IQCJ: variants seen among roughly 807,000 people sequenced by gnomAD.
IQCJ encodes the protein IQ motif containing J.
A neutral mutation model predicts 11.0 loss-of-function variants in IQCJ; 9 were observed. The ratio of observed to expected loss-of-function variants is 0.82; its 90% CI spans 0.49 to 1.43. The LOEUF (loss-of-function observed/expected upper bound fraction) is 1.43. IQCJ is among the 40% of genes most tolerant of loss of function. IQCJ has a pLI of 0.00. For missense variants in IQCJ, 146 were observed against 133.2 expected, an observed-to-expected ratio of 1.10 and a Z score of -0.47; for synonymous variants, 55 against 51.3, an observed-to-expected ratio of 1.07 and a Z score of -0.31.
intron 3 of IQCJ, among the ~76,000 whole-genome samples, chr3:159,260,449 T>G (rs1157182014): frequency 6.6e-6 from 1 of 152,218 alleles, no homozygotes; most frequent in African/African-American, 2.4e-5. Flanking sequence ...ATGTTACACA[T>G]TCTGAGCTCT....
chr3:159,259,068 A>T (rs2108229740), intron 3 of IQCJ, among the ~76,000 whole-genome samples: 1 of 152,178 alleles, frequency 6.6e-6, no homozygotes, highest in East Asian at 1.9e-4. Flanking sequence ...CTCTCTGGGA[A>T]CCCTCTCCTC....
At chr3:159,146,531 C>T (rs1720936213) in intron 1 of IQCJ, among the ~76,000 whole-genome samples, 1 of 152,078 alleles carries the variant, frequency 6.6e-6, no homozygotes, top group African/African-American at 2.4e-5. Flanking sequence ...GGATTGGTTG[C>T]ATAGATGGTG....
chr3:159,247,003 T>C (rs980930822), intron 2 of IQCJ, among the ~76,000 whole-genome samples: 4 of 152,150 alleles, frequency 2.6e-5, no homozygotes, highest in African/African-American at 9.7e-5. Context: ...CTTTCCTCAC[T>C]CATTATAAGG....
At chr3:159,126,064 T>G (rs1719663764) in intron 1 of IQCJ, among the ~76,000 whole-genome samples, 1 of 152,252 alleles carries the variant, frequency 6.6e-6, no homozygotes, top group African/African-American at 2.4e-5. Context: ...CTTCAACTCC[T>G]TCTGTTGAAA....
chr3:159,236,837 T>C (rs1034943511), intron 1 of IQCJ, among the ~76,000 whole-genome samples: 12 of 152,212 alleles, frequency 7.9e-5, no homozygotes, highest in African/African-American at 2.9e-4. Flanking sequence ...AGTGCCCTTA[T>C]TACACTTCCA....
chr3:159,102,719 A>G (rs1718011317), intron 1 of IQCJ, among the ~76,000 whole-genome samples: 1 of 152,224 alleles, frequency 6.6e-6, no homozygotes, highest in South Asian at 2.1e-4. Context: ...ACCATCATTA[A>G]TGAATTGACT....
At chr3:159,118,637 C>A (rs1000079263) in intron 1 of IQCJ, among the ~76,000 whole-genome samples, 2 of 152,150 alleles carry the variant, frequency 1.3e-5, no homozygotes, top group African/African-American at 4.8e-5. Context: ...GGCTTCCAAG[C>A]CTAGGTTTTT....
At chr3:159,157,421 A>G (rs1043025057) in intron 1 of IQCJ, among the ~76,000 whole-genome samples, 3 of 152,216 alleles carry the variant, frequency 2.0e-5, no homozygotes, top group African/African-American at 7.2e-5. Flanking sequence ...TCTTCTTAAC[A>G]AAAACAAACA....
At chr3:159,262,412 A>G in intron 3 of IQCJ, 136 bp from the exon 4 acceptor site, 2 of 1,358,642 alleles carry the variant, frequency 1.5e-6, no homozygotes, top group East Asian at 4.8e-5. Flanking sequence ...GATTCACTAC[A>G]TCACATTCTG....
chr3:159,155,883 T>C (rs2108210393), intron 1 of IQCJ, among the ~76,000 whole-genome samples: 1 of 152,344 alleles, frequency 6.6e-6, no homozygotes, highest in Middle Eastern at 3.4e-3. Context: ...AGCAAACCAA[T>C]GACATAGCAG....
At chr3:159,174,195 A>G (rs543010049) in intron 1 of IQCJ, among the ~76,000 whole-genome samples, 1 of 152,086 alleles carries the variant, frequency 6.6e-6, no homozygotes, top group African/African-American at 2.4e-5. Flanking sequence ...TTCTTGTTTC[A>G]TACGCTCCTA....
In IQCJ at chr3:159,193,318, A is replaced by G. The variant is rs146660817; in HGVS notation, c.10-52525A>G. Among the ~76,000 whole-genome samples, 569 of 152,320 alleles carry G rather than the reference A, an allele frequency of 3.7e-3. 3 individuals are homozygous for G. Among genetic ancestry groups the G allele is most frequent in the Admixed American group, 5.5e-3 (84 of 15,306 alleles). Reference sequence around the variant, plus strand: ...ATCTACCTAATGATTCTAGATCCATATATTCTAAGTACTGGTGGTGTACTG... The same window carrying G: ...ATCTACCTAATGATTCTAGATCCATGTATTCTAAGTACTGGTGGTGTACTG... On this transcript the variant is annotated intron_variant, in intron 1 of 3. Coordinates refer to ENST00000397832, the MANE Select transcript of IQCJ (RefSeq NM_001042706.3).
At chr3:159,081,783 C>G (rs1056611634) in intron 1 of IQCJ, among the ~76,000 whole-genome samples, 2 of 152,058 alleles carry the variant, frequency 1.3e-5, no homozygotes, top group African/African-American at 4.8e-5. Flanking sequence ...ACCCAATATT[C>G]CCTGTCTATT....
chr3:159,196,193 T>C (rs1421182671), intron 1 of IQCJ, among the ~76,000 whole-genome samples: 1 of 152,218 alleles, frequency 6.6e-6, no homozygotes, highest in Non-Finnish European at 1.5e-5. Context: ...TCACAATCAG[T>C]ACAGTATTTC....
At chr3:159,132,430 T>C (rs752361947) in intron 1 of IQCJ, among the ~76,000 whole-genome samples, 1 of 152,224 alleles carries the variant, frequency 6.6e-6, no homozygotes, top group Non-Finnish European at 1.5e-5. Context: ...TTAACACAAT[T>C]AATTTTATAG....
chr3:159,191,313 G>T (rs182284470), intron 1 of IQCJ, among the ~76,000 whole-genome samples: 202 of 152,228 alleles, frequency 1.3e-3, no homozygotes, highest in Admixed American at 4.3e-3. Context: ...ATGAAGATGA[G>T]GAGGAGGAGG....
chr3:159,125,372 T>C (rs1273733992), intron 1 of IQCJ, among the ~76,000 whole-genome samples: 1 of 152,210 alleles, frequency 6.6e-6, no homozygotes, highest in Non-Finnish European at 1.5e-5. Flanking sequence ...TCATGGAATG[T>C]GGCATCCCAG....
At chr3:159,222,822 A>G (rs545909627) in intron 1 of IQCJ, among the ~76,000 whole-genome samples, 6 of 152,130 alleles carry the variant, frequency 3.9e-5, no homozygotes, top group Non-Finnish European at 8.8e-5. Context: ...TTAATACAAT[A>G]AAAAATTTTC....
intron 1 of IQCJ, among the ~76,000 whole-genome samples, chr3:159,150,924 A>G (rs1271714123): frequency 1.3e-5 from 2 of 152,142 alleles, no homozygotes; most frequent in Non-Finnish European, 2.9e-5. Flanking sequence ...TTTTCCATGA[A>G]TGGATAAATA....
Sources: gnomAD v4.1 joint callset for allele counts (sites outside exome capture counted in the v4.1 genomes callset) on GRCh38, gnomAD v4.1.1 for gene constraint, MANE v1.5 for transcripts, NCBI Gene and HGNC (gene_info 2026-07-23, HGNC 2026-07-21) for gene names.